Variants in RRAS2 observed in about 807,000 individuals in gnomAD.
RRAS2 encodes the protein RAS related 2.
A neutral mutation model predicts 27.6 loss-of-function variants in RRAS2; 7 were observed. The observed-to-expected ratio is 0.25, with a 90% CI of 0.14 to 0.48. The LOEUF (loss-of-function observed/expected upper bound fraction) is 0.48, where lower values mean the gene tolerates loss of function less well. Ranked by LOEUF, RRAS2 falls within the 20% of genes least tolerant of loss-of-function variation. The pLI is 0.99. For missense variants in RRAS2, 178 were observed against 256.2 expected, an observed-to-expected ratio of 0.69 and a Z score of 2.08; for synonymous variants, 86 against 90.9, an observed-to-expected ratio of 0.95 and a Z score of 0.31.
intron 1 of RRAS2, 90 bp from the exon 2 acceptor site, chr11:14,295,945 G>A (rs937851627): frequency 2.5e-6 from 3 of 1,202,034 alleles, no homozygotes; most frequent in Admixed American, 3.7e-5. Context: ...GGCCGAGGGA[G>A]AAGGATCACT....
intron 1 of RRAS2, among the ~76,000 whole-genome samples, chr11:14,351,238 C>T (rs1554954733): frequency 6.6e-6 from 1 of 152,112 alleles, no homozygotes; most frequent in Non-Finnish European, 1.5e-5. Flanking sequence ...ATATCAATGT[C>T]ATAAAACACA....
chr11:14,306,913 G>A (rs889994744), intron 1 of RRAS2, among the ~76,000 whole-genome samples: 32 of 151,658 alleles, frequency 2.1e-4, no homozygotes, highest in African/African-American at 4.6e-4. Flanking sequence ...AAAAAAGGCC[G>A]GGCGCAGTGG....
chr11:14,305,987 G>C (rs1256288196), intron 1 of RRAS2, among the ~76,000 whole-genome samples: 1 of 152,116 alleles, frequency 6.6e-6, no homozygotes, highest in Non-Finnish European at 1.5e-5. Context: ...AGAGGCTGCA[G>C]TGAGCTGCGA....
At chr11:14,315,786 G>A (rs1349260674) in intron 1 of RRAS2, among the ~76,000 whole-genome samples, 6 of 152,102 alleles carry the variant, frequency 3.9e-5, no homozygotes, top group African/African-American at 1.4e-4. Context: ...TGAGGTTCTG[G>A]ATAAGACTTT....
intron 1 of RRAS2, among the ~76,000 whole-genome samples, chr11:14,307,778 AAAAGT>A (rs1847868230): frequency 6.6e-6 from 1 of 152,180 alleles, no homozygotes; most frequent in African/African-American, 2.4e-5. Context: ...TGCCAAATAG[AAAAGT>A]AAAGTCGTTT....
intron 4 of RRAS2, among the ~76,000 whole-genome samples, chr11:14,284,486 G>A (rs911146434): frequency 8.5e-5 from 13 of 152,136 alleles, no homozygotes; most frequent in African/African-American, 3.1e-4. Context: ...TGGGTAAAGG[G>A]TACACTTAAT....
intron 1 of RRAS2, among the ~76,000 whole-genome samples, chr11:14,310,269 T>C (rs1847930010): frequency 6.6e-6 from 1 of 152,202 alleles, no homozygotes; most frequent in South Asian, 2.1e-4. Context: ...AAGACACTTA[T>C]TAGACACCTA....
chr11:14,282,659 G>GA (rs58190907), intron 4 of RRAS2, among the ~76,000 whole-genome samples: 84,891 of 149,550 alleles, frequency 0.57, 23,907 homozygotes, highest in Admixed American at 0.63. Flanking sequence ...AAATTGGGGG[G>GA]AAAAAAAAAA....
At chr11:14,337,828 G>C (rs1229709747) in intron 1 of RRAS2, among the ~76,000 whole-genome samples, 3 of 152,036 alleles carry the variant, frequency 2.0e-5, no homozygotes, top group Non-Finnish European at 4.4e-5. Context: ...CTGGGATGAA[G>C]GAGAAATCAA....
chr11:14,358,941 G>A lies in RRAS2; in HGVS notation c.-71C>T. The A allele has an allele frequency of 1.4e-5, 16 of 1,181,194 alleles. No homozygotes were observed. Among genetic ancestry groups the A allele is most frequent in the South Asian group, 3.6e-5 (1 of 27,598 alleles). 73.2% of individuals were successfully genotyped at this position (1,181,194 alleles called of 1,614,324 possible). On this transcript the variant is annotated 5_prime_UTR_variant, in exon 1 of 6. Coordinates refer to ENST00000256196, the MANE Select transcript of RRAS2 (RefSeq NM_012250.6). The surrounding 1 kb of genome is among the most constrained non-coding windows in gnomAD (Gnocchi z 5.1). ...CGCCCGCCCTAGGCCCGGCTCCGGGGACGTGTGCGGCCGGCGGGCTGCGGG... is the reference window on the plus strand; with the variant it reads ...CGCCCGCCCTAGGCCCGGCTCCGGGAACGTGTGCGGCCGGCGGGCTGCGGG...
At chr11:14,344,318 T>C (rs1358430691) in intron 1 of RRAS2, among the ~76,000 whole-genome samples, 1 of 152,188 alleles carries the variant, frequency 6.6e-6, no homozygotes, top group East Asian at 1.9e-4. Context: ...CATTTCCACT[T>C]TTTTATTCCA....
intron 1 of RRAS2, among the ~76,000 whole-genome samples, chr11:14,316,473 T>C (rs1554949549): frequency 6.6e-6 from 1 of 152,234 alleles, no homozygotes; most frequent in Non-Finnish European, 1.5e-5. Flanking sequence ...GGTACAGCAA[T>C]CCATGCCTAT....
rs1648333187 is a variant in RRAS2 at position 14,358,569 on chromosome 11, C to G, written c.108+194G>C. On this transcript the variant is annotated intron_variant, in intron 1 of 5. Coordinates refer to ENST00000256196, the MANE Select transcript of RRAS2 (RefSeq NM_012250.6). This position sits in a 1 kb window ranked among gnomAD's most constrained non-coding sequence, Gnocchi z 5.1. ...AGCCCTACTCCCGCGACGCCGCGCCCGGGAGGAGGCAGGAGCGCGACGCTG... is the reference window on the plus strand; with the variant it reads ...AGCCCTACTCCCGCGACGCCGCGCCGGGGAGGAGGCAGGAGCGCGACGCTG... 1 of 986,650 alleles carries G rather than the reference C, an allele frequency of 1.0e-6. No individual in the cohort carries two copies. The highest frequency in any genetic ancestry group is 6.1e-5 in the Admixed American group (1 of 16,290). 61.1% of individuals were successfully genotyped at this position (986,650 alleles called of 1,614,324 possible). A position where few individuals can be genotyped will look rare whatever the true frequency, so the allele number is the denominator to read the frequency against.
chr11:14,356,212 CT>C (rs1367819658), intron 1 of RRAS2, among the ~76,000 whole-genome samples: 3 of 152,122 alleles, frequency 2.0e-5, no homozygotes, highest in Admixed American at 2.0e-4. Context: ...AAAAAGGCTC[CT>C]TTTTGCAGAG....
Position 14,279,157 on chromosome 11 carries a change from A to T in RRAS2, c.*180T>A, listed in dbSNP as rs1377553616. The stretch of plus-strand genomic sequence containing the variant: ...GAAGCAGCCTTAGTGTTTCCTTTAA[A>T]TTTGTCTGGAAATGACCATTGTATT... On this transcript the variant is annotated 3_prime_UTR_variant, in exon 6 of 6. Transcript: ENST00000256196. 5.2e-6 allele frequency: 3 copies of T among 577,566 alleles called. No individual in the cohort carries two copies. Among genetic ancestry groups the T allele is most frequent in the Non-Finnish European group, 9.3e-6 (3 of 321,320 alleles). The allele number at this position is 577,566 out of a possible 1,614,324, so 35.8% of individuals were successfully genotyped here.
chr11:14,354,964 A>G (rs1255384266), intron 1 of RRAS2, among the ~76,000 whole-genome samples: 1 of 152,138 alleles, frequency 6.6e-6, no homozygotes, highest in East Asian at 1.9e-4. Context: ...GGTGTGAGCC[A>G]CCACGCCCAG....
At chr11:14,297,034 A>G (rs1847572898) in intron 1 of RRAS2, among the ~76,000 whole-genome samples, 2 of 152,178 alleles carry the variant, frequency 1.3e-5, no homozygotes, top group Non-Finnish European at 2.9e-5. Flanking sequence ...CTGTCTCCAA[A>G]AAAGAAAAAG....
intron 1 of RRAS2, among the ~76,000 whole-genome samples, chr11:14,304,160 T>C (rs1847779371): frequency 6.6e-6 from 1 of 152,220 alleles, no homozygotes. Context: ...ATTTGTATAC[T>C]AAACCTTTCA....
upstream of RRAS2, among the ~76,000 whole-genome samples, chr11:14,362,151 T>G (rs1554956217): frequency 6.6e-6 from 1 of 152,226 alleles, no homozygotes; most frequent in Non-Finnish European, 1.5e-5. Flanking sequence ...ATAGTGGTGT[T>G]GATTGCACAA....
Sources: allele counts gnomAD v4.1 joint callset (sites outside exome capture counted in the v4.1 genomes callset), GRCh38; gene constraint gnomAD v4.1.1; non-coding constraint Gnocchi (gnomAD v3.1); transcripts MANE v1.5; gene names NCBI Gene and HGNC (gene_info 2026-07-23, HGNC 2026-07-21).